Variants in ZNF521 observed in about 807,000 individuals in gnomAD.
ZNF521 encodes LYST-interacting protein 3.
ZNF521 carries 14 observed loss-of-function variants against 105.5 expected under a neutral mutation model. The observed-to-expected ratio is 0.13, with a 90% CI of 0.09 to 0.21. ZNF521 has a LOEUF of 0.21. Among genes scored for constraint, ZNF521 ranks in the 10% least tolerant of loss-of-function variants. The pLI, the probability that ZNF521 is intolerant of heterozygous loss-of-function variation, is 1.00. For missense variants in ZNF521, 1,233 were observed against 1,629.7 expected, an observed-to-expected ratio of 0.76 and a Z score of 4.19; for synonymous variants, 635 against 606.0, an observed-to-expected ratio of 1.05 and a Z score of -0.70.
intron 5 of ZNF521, among the ~76,000 whole-genome samples, chr18:25,179,299 G>A (rs560072983): frequency 1.3e-5 from 2 of 151,298 alleles, no homozygotes; most frequent in East Asian, 3.9e-4. Context: ...GATTACACAT[G>A]CCACCACATC....
At chr18:25,073,082 C>T (rs1231396490) in intron 7 of ZNF521, among the ~76,000 whole-genome samples, 3 of 151,776 alleles carry the variant, frequency 2.0e-5, no homozygotes, top group African/African-American at 4.8e-5. Flanking sequence ...TCATCTTGGG[C>T]GAATACAAAT....
At chr18:25,150,252 T>C (rs900816717) in intron 5 of ZNF521, among the ~76,000 whole-genome samples, 28 of 152,128 alleles carry the variant, frequency 1.8e-4, no homozygotes, top group African/African-American at 6.3e-4. Flanking sequence ...GGCATAAGAA[T>C]GATACAATGG....
In ZNF521 at chr18:25,227,714, T is replaced by A. The variant is rs1190792145; in HGVS notation, c.221-17A>T. 6.3e-7 allele frequency: 1 copy of A among 1,596,314 alleles called. No individual in the cohort carries two copies. The highest frequency in any genetic ancestry group is 1.7e-5 in the Admixed American group (1 of 58,326). On this transcript the variant is annotated splice_polypyrimidine_tract_variant and intron_variant, in intron 3 of 7. Transcript: ENST00000361524. The surrounding 1 kb of genome is among the most constrained non-coding windows in gnomAD (Gnocchi z 5.7). ...CCACTCCATCTGCAACAAGAAGCAATGACAAATTTCATCTGACATGTTGAG... is the reference window on the plus strand; with the variant it reads ...CCACTCCATCTGCAACAAGAAGCAAAGACAAATTTCATCTGACATGTTGAG...
At chr18:25,130,598 T>A (rs1410977098) in intron 5 of ZNF521, among the ~76,000 whole-genome samples, 2 of 152,192 alleles carry the variant, frequency 1.3e-5, no homozygotes, top group Non-Finnish European at 2.9e-5. Context: ...TGGTACTTTC[T>A]GTTAAACTCT....
intron 3 of ZNF521, among the ~76,000 whole-genome samples, chr18:25,295,448 TA>T (rs1911272541): frequency 6.6e-6 from 1 of 152,134 alleles, no homozygotes; most frequent in African/African-American, 2.4e-5. Flanking sequence ...ATTGTACATT[TA>T]AAAATAACTA....
At chr18:25,330,966 T>C (rs139300819) in intron 2 of ZNF521, among the ~76,000 whole-genome samples, 279 of 152,332 alleles carry the variant, frequency 1.8e-3, no homozygotes, top group African/African-American at 6.3e-3. Flanking sequence ...GCTGAAGCTT[T>C]TTCTAGATGA....
intron 3 of ZNF521, chr18:25,315,668 T>G (rs944244002): frequency 2.0e-5 from 3 of 152,208 alleles, no homozygotes; most frequent in Non-Finnish European, 4.4e-5. Flanking sequence ...GATCATCTTG[T>G]TCTTCTGTAT....
intron 3 of ZNF521, among the ~76,000 whole-genome samples, chr18:25,261,919 A>C (rs1310996246): frequency 6.6e-6 from 1 of 152,206 alleles, no homozygotes; most frequent in Admixed American, 6.5e-5. Flanking sequence ...GTTAAAGAAA[A>C]GGAGCCAGGA....
intron 5 of ZNF521, among the ~76,000 whole-genome samples, chr18:25,124,397 AG>A (rs1418013551): frequency 2.6e-5 from 4 of 152,186 alleles, no homozygotes; most frequent in Non-Finnish European, 5.9e-5. Context: ...TCAGAAACTA[AG>A]TAACACATGA....
intron 5 of ZNF521, among the ~76,000 whole-genome samples, chr18:25,101,321 A>C (rs979439613): frequency 1.3e-5 from 2 of 152,120 alleles, no homozygotes; most frequent in Non-Finnish European, 2.9e-5. Flanking sequence ...GGACTTGTGC[A>C]TGCATGGAAG....
chr18:25,227,553 A>T lies in ZNF521; in HGVS notation c.365T>A (p.Phe122Tyr), dbSNP rs780332723. 1 of 1,614,116 alleles carries T rather than the reference A, an allele frequency of 6.2e-7. No individual in the cohort carries two copies. Among genetic ancestry groups the T allele is most frequent in the Non-Finnish European group, 8.5e-7 (1 of 1,180,006 alleles). The change falls in exon 4 of 8, where the codon TTC becomes TAC. Residue 122 changes from phenylalanine to tyrosine, a missense_variant. Coordinates refer to ENST00000361524, the MANE Select transcript of ZNF521 (RefSeq NM_015461.3). The surrounding 1 kb of genome is among the most constrained non-coding windows in gnomAD (Gnocchi z 5.7). Reference sequence around the variant, plus strand: ...GAGGCGGCTAAACGACTTGTCACAGAATTGACACGGGTATGGAAGCCCAGG... The same window carrying T: ...GAGGCGGCTAAACGACTTGTCACAGTATTGACACGGGTATGGAAGCCCAGG... ...GGPGLPYPCQ[F>Y]CDKSFSRLSY... is the part of the protein sequence containing the mutation.
At chr18:25,137,243 A>T (rs969057477) in intron 5 of ZNF521, among the ~76,000 whole-genome samples, 2 of 152,142 alleles carry the variant, frequency 1.3e-5, no homozygotes, top group Non-Finnish European at 2.9e-5. Flanking sequence ...CATGAGTGCA[A>T]ATAGCTTTCC....
rs148748581 is a variant in ZNF521 at position 25,291,724 on chromosome 18, C to T, written c.220+30284G>A. Among the ~76,000 whole-genome samples, 81 of 152,208 alleles carry T rather than the reference C, an allele frequency of 5.3e-4. No homozygotes were observed. The East Asian group carries it at 0.014, about 27-fold the overall frequency. ...TCTGCCACCCTTCTCGCCAAGCCCT[C>T]GGCATACTATATTTGCAATTATTTA... On this transcript the variant is annotated intron_variant, in intron 3 of 7. Coordinates refer to ENST00000361524, the MANE Select transcript of ZNF521 (RefSeq NM_015461.3).
rs1187024387 is a variant in ZNF521, at chr18:25,350,929, T to C, written c.18A>G (p.Gln6=). MSRRK[Q]AKPRSLKDPN... The stretch of plus-strand genomic sequence containing the variant: ...TACCTTTGAGGGATCTCGGTTTCGC[T>C]TGCTTGCGGCGAGACATCCTAAAAG... Residue 6 remains glutamine (Q), a synonymous_variant, in exon 2 of 8, where the codon CAA becomes CAG. Transcript: ENST00000361524. The C allele has an allele frequency of 3.9e-6, 6 of 1,550,690 alleles. No individual in the cohort carries two copies. Among genetic ancestry groups the C allele is most frequent in the South Asian group, 1.2e-5 (1 of 84,058 alleles).
intron 4 of ZNF521, among the ~76,000 whole-genome samples, chr18:25,214,969 C>A (rs916507392): frequency 5.9e-5 from 9 of 152,056 alleles, no homozygotes; most frequent in African/African-American, 1.7e-4. Flanking sequence ...AGGCGAAAGA[C>A]GAAACACTAA....
At chr18:25,154,497 T>C (rs570148732) in intron 5 of ZNF521, among the ~76,000 whole-genome samples, 1 of 152,260 alleles carries the variant, frequency 6.6e-6, no homozygotes, top group East Asian at 1.9e-4. Context: ...TAGGCAAAAG[T>C]GAACTTCAGA....
In ZNF521 at chr18:25,297,907, T is replaced by C. The variant is rs145262529; in HGVS notation, c.220+24101A>G. On this transcript the variant is annotated intron_variant, in intron 3 of 7. Transcript: ENST00000361524. The stretch of plus-strand genomic sequence containing the variant: ...TACAGAAATATTTCCCTCCCATTCT[T>C]AGACTTTTTGATTGAGTTATTAATA... 1.1e-4 allele frequency among the ~76,000 whole-genome samples: 16 copies of C among 152,270 alleles called. No individual in the cohort carries two copies. The South Asian group carries it at 1.5e-3, about 14-fold the overall frequency.
intron 5 of ZNF521, among the ~76,000 whole-genome samples, chr18:25,125,723 CTTT>C (rs34007183): frequency 4.1e-4 from 61 of 147,054 alleles, no homozygotes; most frequent in South Asian, 1.7e-3. Context: ...TTCAAAACTG[CTTT>C]TTTTTTTTTT....
intron 5 of ZNF521, among the ~76,000 whole-genome samples, chr18:25,100,309 G>A (rs186686008): frequency 3.4e-4 from 52 of 152,190 alleles, no homozygotes; most frequent in Admixed American, 1.8e-3. Context: ...ACAACCATGG[G>A]TTTTAAGTGC....
Sources: allele counts gnomAD v4.1 joint callset (sites outside exome capture counted in the v4.1 genomes callset), GRCh38; gene constraint gnomAD v4.1.1; non-coding constraint Gnocchi (gnomAD v3.1); transcripts MANE v1.5; gene names NCBI Gene and HGNC (gene_info 2026-07-23, HGNC 2026-07-21).